TMTC2: variants seen among roughly 807,000 people sequenced by gnomAD.
TMTC2 encodes transmembrane O-mannosyltransferase targeting cadherins 2, also known as protein O-mannosyl-transferase TMTC2.
Under a neutral mutation model 82.4 loss-of-function variants are expected in TMTC2, and 43 were observed. That is an observed-to-expected ratio of 0.52 (90% CI 0.41 to 0.67). The LOEUF (loss-of-function observed/expected upper bound fraction) is 0.67. Among genes scored for constraint, TMTC2 ranks in the 30% least tolerant of loss-of-function variants. The pLI is 0.00. For missense variants in TMTC2, 919 were observed against 1,012.4 expected, an observed-to-expected ratio of 0.91 and a Z score of 1.25; for synonymous variants, 408 against 381.9, an observed-to-expected ratio of 1.07 and a Z score of -0.80.
intron 1 of TMTC2, among the ~76,000 whole-genome samples, chr12:82,808,139 A>G (rs1259874982): frequency 6.6e-6 from 1 of 151,966 alleles, no homozygotes; most frequent in African/African-American, 2.4e-5. Context: ...ATTAAAAAGC[A>G]ATAGAGAATA....
At chr12:82,935,375 T>A (rs1876261279) in intron 4 of TMTC2, among the ~76,000 whole-genome samples, 1 of 152,186 alleles carries the variant, frequency 6.6e-6, no homozygotes. Context: ...TTGTCAAATT[T>A]ACTAAAATCT....
chr12:82,753,342 TGAG>T (rs1208595923), intron 1 of TMTC2, among the ~76,000 whole-genome samples: 5 of 151,390 alleles, frequency 3.3e-5, no homozygotes, highest in South Asian at 4.2e-4. Context: ...TTTTTTTTTT[TGAG>T]GAGAAGTTTT....
At chr12:82,997,558 A>T (rs1348029124) in intron 8 of TMTC2, among the ~76,000 whole-genome samples, 1 of 149,660 alleles carries the variant, frequency 6.7e-6, no homozygotes, top group Non-Finnish European at 1.5e-5. Flanking sequence ...AGCTGACTCA[A>T]CAAGTAATGC....
chr12:83,076,328 T>G (rs573378001), intron 11 of TMTC2, among the ~76,000 whole-genome samples: 120 of 152,320 alleles, frequency 7.9e-4, no homozygotes, highest in Admixed American at 4.7e-3. Context: ...GTACTGTAGT[T>G]TGGGGAACAT....
rs1426903666 is a variant in TMTC2 at position 82,965,420 on chromosome 12, CATGAGT to C, written c.1685-137_1685-132del. 1.5e-5 allele frequency: 12 copies of C among 827,058 alleles called. No homozygotes were observed. The East Asian group carries it at 2.7e-4, about 18-fold the overall frequency. 51.2% of individuals were successfully genotyped at this position (827,058 alleles called of 1,614,324 possible). A position where few individuals can be genotyped will look rare whatever the true frequency, so the allele number is the denominator to read the frequency against. ...GCAGTTTCACTACCATTATTGATCC[CATGAGT>C]ATTTGTGTCATAAGTATTTTTTTCT... On this transcript the variant is annotated intron_variant, in intron 5 of 11. Coordinates refer to ENST00000321196, the MANE Select transcript of TMTC2 (RefSeq NM_152588.3).
At chr12:82,872,540 G>A (rs1872255720) in intron 2 of TMTC2, among the ~76,000 whole-genome samples, 1 of 152,124 alleles carries the variant, frequency 6.6e-6, no homozygotes, top group African/African-American at 2.4e-5. Flanking sequence ...TGCTAATACA[G>A]GAAAATATTT....
chr12:82,892,597 A>G (rs1008616677), intron 2 of TMTC2, among the ~76,000 whole-genome samples: 5 of 152,244 alleles, frequency 3.3e-5, no homozygotes, highest in Admixed American at 3.3e-4. Flanking sequence ...TTTAATGACT[A>G]GCAAAGAAAT....
chr12:83,003,184 C>G (rs2137371352), intron 8 of TMTC2, among the ~76,000 whole-genome samples: 1 of 152,084 alleles, frequency 6.6e-6, no homozygotes, highest in Admixed American at 6.5e-5. Flanking sequence ...CTTCCTTGTC[C>G]TTTTTGGCTG....
chr12:82,722,549 A>C (rs538928438), intron 1 of TMTC2, among the ~76,000 whole-genome samples: 1 of 126,594 alleles, frequency 7.9e-6, no homozygotes, highest in South Asian at 3.0e-4. Flanking sequence ...CCTGGGCCAC[A>C]GAGTGAGACT....
At chr12:83,064,814 C>G (rs1223080863) in intron 11 of TMTC2, among the ~76,000 whole-genome samples, 2 of 151,926 alleles carry the variant, frequency 1.3e-5, no homozygotes, top group Non-Finnish European at 2.9e-5. Context: ...TAACATTTAT[C>G]CTGTTCATAG....
chr12:82,753,330 T>G (rs1181990731), intron 1 of TMTC2, among the ~76,000 whole-genome samples: 2 of 151,776 alleles, frequency 1.3e-5, no homozygotes, highest in African/African-American at 4.8e-5. Flanking sequence ...TAATGGCTTT[T>G]TTTTTTTTTT....
chr12:83,103,438 G>A (rs1404036695), intron 11 of TMTC2, among the ~76,000 whole-genome samples: 1 of 152,152 alleles, frequency 6.6e-6, no homozygotes, highest in Non-Finnish European at 1.5e-5. Flanking sequence ...AGCTTCTCAG[G>A]AGGCCTCAAG....
At chr12:82,935,876 T>A (rs1422784974) in intron 4 of TMTC2, among the ~76,000 whole-genome samples, 1 of 151,762 alleles carries the variant, frequency 6.6e-6, no homozygotes, top group African/African-American at 2.4e-5. Context: ...AGCTAAGAAA[T>A]GAGCAAGAAA....
chr12:83,076,762 CTT>C (rs774867216), intron 11 of TMTC2, among the ~76,000 whole-genome samples: 1 of 152,194 alleles, frequency 6.6e-6, no homozygotes, highest in African/African-American at 2.4e-5. Flanking sequence ...ATGTCTAAGT[CTT>C]TGTTCTCTCC....
chr12:82,985,927 G>A lies in TMTC2; in HGVS notation c.1951G>A (p.Glu651Lys). Residue 651 changes from glutamate (E) to lysine (K), a missense_variant and splice_region_variant, in exon 8 of 12, where the codon GAA becomes AAA. By Grantham distance (56) the Glu-to-Lys change is moderately conservative. Transcript: ENST00000321196. ...APQSLYNMMG[E>K]AYMRLSKLPE... ...TTCATGATTAATTCTCTTTCCAGGT[G>A]AAGCATATATGCGTTTAAGCAAACT... The A allele has an allele frequency of 6.2e-7, 1 of 1,612,746 alleles. No individual in the cohort carries two copies. Among genetic ancestry groups the A allele is most frequent in the Non-Finnish European group, 8.5e-7 (1 of 1,179,124 alleles).
At chr12:82,864,565 A>T (rs1163904359) in intron 2 of TMTC2, among the ~76,000 whole-genome samples, 1 of 141,024 alleles carries the variant, frequency 7.1e-6, no homozygotes. Flanking sequence ...GCAGTGGCGC[A>T]ATCTTGGCTC....
In TMTC2 at chr12:82,716,212, AG is replaced by A. The variant is rs1375441499; in HGVS notation, c.83+28544del. The stretch of plus-strand genomic sequence containing the variant: ...CTAGTTTAAATACTGTCTTCTAAAG[AG>A]CAAGCTTTTTATTTCTAGACATCTA... On this transcript the variant is annotated intron_variant, in intron 1 of 11. Coordinates refer to ENST00000321196, the MANE Select transcript of TMTC2 (RefSeq NM_152588.3). 2.0e-5 allele frequency among the ~76,000 whole-genome samples: 3 copies of A among 152,302 alleles called. No homozygotes were observed. In the East Asian group the frequency reaches 5.8e-4, roughly 29 times the overall value.
intron 2 of TMTC2, among the ~76,000 whole-genome samples, chr12:82,883,459 A>G (rs921312089): frequency 3.9e-5 from 6 of 152,298 alleles, no homozygotes; most frequent in South Asian, 4.1e-4. Flanking sequence ...TCCCACACTC[A>G]TTAAATAGCT....
At chr12:83,090,354 C>T (rs1487370841) in intron 11 of TMTC2, among the ~76,000 whole-genome samples, 1 of 152,198 alleles carries the variant, frequency 6.6e-6, no homozygotes, top group African/African-American at 2.4e-5. Context: ...AAGAGTGTCA[C>T]ATTCATGCCC....
Sources: gnomAD v4.1 joint callset for allele counts (sites outside exome capture counted in the v4.1 genomes callset) on GRCh38, gnomAD v4.1.1 for gene constraint, MANE v1.5 for transcripts, NCBI Gene and HGNC (gene_info 2026-07-23, HGNC 2026-07-21) for gene names.